The following AIG1 variants were observed in gnomAD, a reference collection of about 807,000 sequenced individuals.
AIG1 encodes the protein androgen-induced gene 1 protein.
A neutral mutation model predicts 31.4 loss-of-function variants in AIG1; 23 were observed. That is an observed-to-expected ratio of 0.73 (90% CI 0.53 to 1.04). The LOEUF (loss-of-function observed/expected upper bound fraction) is 1.04, where lower values mean the gene tolerates loss of function less well. Ranked by LOEUF, AIG1 falls within the 50% of genes least tolerant of loss-of-function variation. The pLI, the probability that AIG1 is intolerant of heterozygous loss-of-function variation, is 0.00. For missense variants in AIG1, 274 were observed against 295.0 expected (o/e 0.93, Z 0.52); for synonymous variants, 100 against 110.5 (o/e 0.90, Z 0.60).
intron 4 of AIG1, among the ~76,000 whole-genome samples, chr6:143,310,488 G>A (rs1223167846): frequency 6.6e-6 from 1 of 151,626 alleles, no homozygotes; most frequent in Non-Finnish European, 1.5e-5. Context: ...TGAGATGCAA[G>A]GAAAGTAGTG....
intron 1 of AIG1, among the ~76,000 whole-genome samples, chr6:143,062,881 GC>G (rs1374657370): frequency 6.6e-6 from 1 of 152,132 alleles, no homozygotes. Context: ...CTTAGAGCTG[GC>G]CTATTTGAAT....
Position 143,258,905 on chromosome 6 carries a change from T to A in AIG1, c.400-25205T>A, listed in dbSNP as rs979396478. On this transcript the variant is annotated intron_variant, in intron 3 of 5. Transcript: ENST00000357847. This position sits in a 1 kb window ranked among gnomAD's most constrained non-coding sequence, Gnocchi z 4.7. ...GTTACCATGAGAGCAGTCAGACTCT[T>A]TTTAACAATCTGCTCTCATGGGAAC... Among the ~76,000 whole-genome samples, 2 of 152,168 alleles carry A rather than the reference T, an allele frequency of 1.3e-5. No homozygotes were observed. The highest frequency in any genetic ancestry group is 2.9e-5 in the Non-Finnish European group (2 of 68,034).
At chr6:143,238,241 C>G (rs1040376221) in intron 3 of AIG1, among the ~76,000 whole-genome samples, 5 of 152,118 alleles carry the variant, frequency 3.3e-5, no homozygotes, top group African/African-American at 1.2e-4. Flanking sequence ...GCACCCGGCC[C>G]CATTTTGTTT....
intron 4 of AIG1, among the ~76,000 whole-genome samples, chr6:143,295,827 C>T (rs1028125256): frequency 2.6e-5 from 4 of 152,118 alleles, no homozygotes; most frequent in African/African-American, 9.7e-5. Context: ...AAAGTCCCCT[C>T]CCTTCACTAT....
chr6:143,301,547 G>C (rs1456541307), intron 4 of AIG1, among the ~76,000 whole-genome samples: 1 of 152,210 alleles, frequency 6.6e-6, no homozygotes, highest in African/African-American at 2.4e-5. Flanking sequence ...CACTGCGGAG[G>C]CCTCAGGAAA....
At chr6:143,332,392 C>T (rs1053365478) in intron 4 of AIG1, among the ~76,000 whole-genome samples, 5 of 152,188 alleles carry the variant, frequency 3.3e-5, no homozygotes, top group Non-Finnish European at 5.9e-5. Context: ...CCAATGGAGC[C>T]GATATTCTAA....
downstream of AIG1, chr6:143,343,086 G>A (rs138274240): frequency 1.3e-6 from 1 of 776,554 alleles, no homozygotes; most frequent in Non-Finnish European, 2.4e-6. Context: ...GCGCCATCAT[G>A]ATGATCCTCG....
At chr6:143,133,113 G>A (rs938318683) in intron 1 of AIG1, among the ~76,000 whole-genome samples, 2 of 152,032 alleles carry the variant, frequency 1.3e-5, no homozygotes, top group Non-Finnish European at 2.9e-5. Flanking sequence ...ATTGGATGAT[G>A]GACATTGTGC....
chr6:143,342,845 C>G (rs1325344282), downstream of AIG1: 1 of 811,578 alleles, frequency 1.2e-6, no homozygotes, highest in Non-Finnish European at 2.2e-6. Flanking sequence ...TCTAATCCAG[C>G]CTCAAAAGTC....
chr6:143,251,214 G>A (rs373797023), intron 3 of AIG1, among the ~76,000 whole-genome samples: 16 of 152,130 alleles, frequency 1.1e-4, no homozygotes, highest in East Asian at 5.8e-4. Flanking sequence ...CACCACGCCC[G>A]GCTAATTTTG....
intron 3 of AIG1, among the ~76,000 whole-genome samples, chr6:143,241,333 C>T (rs1324173658): frequency 4.6e-5 from 7 of 152,338 alleles, no homozygotes; most frequent in Admixed American, 4.6e-4. Context: ...CCATTTTAGA[C>T]TTGCGTGGAG....
chr6:143,061,542 C>T (rs1051507633), intron 1 of AIG1: 11 of 319,454 alleles, frequency 3.4e-5, no homozygotes, highest in African/African-American at 2.4e-4. Flanking sequence ...CCTGAAAGAA[C>T]CAAATCCTTC....
At chr6:143,095,490 G>A (rs999704096) in intron 1 of AIG1, among the ~76,000 whole-genome samples, 3 of 152,022 alleles carry the variant, frequency 2.0e-5, no homozygotes, top group African/African-American at 7.2e-5. Context: ...CATACACAAA[G>A]AGCACTCCAG....
chr6:143,209,301 T>A (rs1365868749), intron 3 of AIG1, among the ~76,000 whole-genome samples: 1 of 152,088 alleles, frequency 6.6e-6, no homozygotes, highest in African/African-American at 2.4e-5. Context: ...CAGACTCATG[T>A]CCCCCAAAGG....
chr6:143,278,732 G>A (rs2128674906), intron 3 of AIG1, among the ~76,000 whole-genome samples: 1 of 152,114 alleles, frequency 6.6e-6, no homozygotes, highest in South Asian at 2.1e-4. Context: ...GCCTCCCAAA[G>A]TGCTGGGATT....
At chr6:143,261,250 G>A (rs1181694128) in intron 3 of AIG1, among the ~76,000 whole-genome samples, 1 of 152,122 alleles carries the variant, frequency 6.6e-6, no homozygotes, top group Non-Finnish European at 1.5e-5. Flanking sequence ...TCCTGTCTCA[G>A]CCTCCCAACT....
intron 1 of AIG1, among the ~76,000 whole-genome samples, chr6:143,067,959 G>A (rs1408113818): frequency 6.6e-6 from 1 of 152,158 alleles, no homozygotes; most frequent in Non-Finnish European, 1.5e-5. Flanking sequence ...AGAATTGTGA[G>A]AATAATGCTT....
chr6:143,059,965 T>C (rs3761996), upstream of AIG1, among the ~76,000 whole-genome samples: 13,619 of 152,136 alleles, frequency 0.09, 1,070 homozygotes, highest in East Asian at 0.42. Flanking sequence ...GGTAGTGTAG[T>C]GTAAGAAAAA....
At chr6:143,087,552 G>A (rs992105359) in intron 1 of AIG1, among the ~76,000 whole-genome samples, 10 of 152,198 alleles carry the variant, frequency 6.6e-5, no homozygotes, top group Non-Finnish European at 1.2e-4. Flanking sequence ...GGAAGTCAGC[G>A]GCGGGTCTGC....
Sources: allele counts gnomAD v4.1 joint callset (sites outside exome capture counted in the v4.1 genomes callset), GRCh38; gene constraint gnomAD v4.1.1; non-coding constraint Gnocchi (gnomAD v3.1); transcripts MANE v1.5; gene names NCBI Gene and HGNC (gene_info 2026-07-23, HGNC 2026-07-21).